Variants in GADL1 observed in about 807,000 individuals in gnomAD.
GADL1 encodes acidic amino acid decarboxylase GADL1.
A neutral mutation model predicts 69.5 loss-of-function variants in GADL1; 71 were observed. The ratio of observed to expected loss-of-function variants is 1.02; its 90% CI spans 0.84 to 1.25. GADL1 has a LOEUF of 1.25. Among genes scored for constraint, GADL1 ranks in the 50% most tolerant of loss-of-function variants. The pLI, the probability that GADL1 is intolerant of heterozygous loss-of-function variation, is 0.00. For synonymous variants in GADL1, 254 were observed against 214.4 expected (o/e 1.18, Z -1.62); for missense variants, 737 against 631.8 (o/e 1.17, Z -1.79).
At chr3:30,761,545 T>G (rs138477628) in intron 14 of GADL1, among the ~76,000 whole-genome samples, 62 of 152,314 alleles carry the variant, frequency 4.1e-4, no homozygotes, top group African/African-American at 1.3e-3. Context: ...CAAAGAATTA[T>G]TGAGTAAGCT....
At chr3:30,765,021 A>T (rs1296054142) in intron 14 of GADL1, among the ~76,000 whole-genome samples, 1 of 141,444 alleles carries the variant, frequency 7.1e-6, no homozygotes, top group East Asian at 2.0e-4. Context: ...ATCTGTAGTC[A>T]CAACTGCAAA....
In GADL1 at chr3:30,881,016, G is replaced by A. The variant is rs567252588; in HGVS notation, c.37+13562C>T. Among the ~76,000 whole-genome samples the A allele has an allele frequency of 8.6e-5, 13 of 152,004 alleles. 1 individual carries two copies. The highest frequency in any genetic ancestry group is 3.4e-3 in the Middle Eastern group (1 of 294). On this transcript the variant is annotated intron_variant, in intron 1 of 14. Transcript: ENST00000282538. ...GAGAAAGTAAGGAAAGAAAGCATAG[G>A]CATTGTCCTTTTCCCTAAGGGTTAG...
chr3:30,852,066 T>C (rs1354262021), intron 4 of GADL1, among the ~76,000 whole-genome samples: 1 of 152,150 alleles, frequency 6.6e-6, no homozygotes, highest in East Asian at 1.9e-4. Context: ...GCAGACACAT[T>C]TAGATTTATA....
intron 11 of GADL1, among the ~76,000 whole-genome samples, chr3:30,815,037 C>CT (rs1288399306): frequency 3.3e-5 from 5 of 151,934 alleles, no homozygotes; most frequent in African/African-American, 1.2e-4. Flanking sequence ...TACTTAGCCA[C>CT]TAAAAGAGAT....
chr3:30,847,406 G>A (rs1305577797), intron 6 of GADL1, among the ~76,000 whole-genome samples: 1 of 152,150 alleles, frequency 6.6e-6, no homozygotes, highest in Non-Finnish European at 1.5e-5. Context: ...TAACAGTACT[G>A]GGCCATGGAC....
At chr3:30,820,765 G>A (rs540408415) in intron 11 of GADL1, among the ~76,000 whole-genome samples, 143 of 151,842 alleles carry the variant, frequency 9.4e-4, no homozygotes, top group African/African-American at 3.3e-3. Flanking sequence ...TCAGTGTGGC[G>A]ATTCCTCAGG....
intron 14 of GADL1, among the ~76,000 whole-genome samples, chr3:30,774,696 C>T (rs1696493462): frequency 6.6e-6 from 1 of 151,988 alleles, no homozygotes; most frequent in Admixed American, 6.6e-5. Context: ...TTGCCTTTTA[C>T]AAAACTGTAT....
At chr3:30,744,155 G>T (rs1465460169) in intron 14 of GADL1, among the ~76,000 whole-genome samples, 1 of 152,120 alleles carries the variant, frequency 6.6e-6, no homozygotes, top group East Asian at 1.9e-4. Context: ...AGGTATATTT[G>T]GTTAGATCTA....
At chr3:30,878,825 C>T (rs1698608885) in intron 1 of GADL1, among the ~76,000 whole-genome samples, 1 of 151,876 alleles carries the variant, frequency 6.6e-6, no homozygotes, top group East Asian at 2.0e-4. Context: ...TCCTGTCTTC[C>T]ACATGAGCCC....
chr3:30,740,942 A>C (rs1695608463), intron 14 of GADL1, among the ~76,000 whole-genome samples: 8 of 140,830 alleles, frequency 5.7e-5, no homozygotes, highest in Admixed American at 4.4e-4. Flanking sequence ...ATTATATTTG[A>C]TATATCAAAT....
chr3:30,764,032 A>T (rs1175242469), intron 14 of GADL1, among the ~76,000 whole-genome samples: 1 of 152,210 alleles, frequency 6.6e-6, no homozygotes, highest in Non-Finnish European at 1.5e-5. Flanking sequence ...CTAAATGAGG[A>T]TACAGGATTT....
chr3:30,850,127 TA>T lies in GADL1; in HGVS notation c.536-17del. ...ACTGAGCCACCTGCAAAAACAAAAT[TA>T]AAATGGCATATTTATAGCATGAAGT... is the stretch of plus-strand genomic sequence containing the variant. On this transcript the variant is annotated splice_polypyrimidine_tract_variant and intron_variant, in intron 5 of 14. Transcript: ENST00000282538. 7.4e-7 allele frequency: 1 copy of T among 1,344,508 alleles called. No homozygotes were observed. The allele number at this position is 1,344,508 out of a possible 1,614,324, so 83.3% of individuals were successfully genotyped here. A position where few individuals can be genotyped will look rare whatever the true frequency, so the allele number is the denominator to read the frequency against.
At chr3:30,770,675 C>G (rs991135737) in intron 14 of GADL1, among the ~76,000 whole-genome samples, 1 of 152,140 alleles carries the variant, frequency 6.6e-6, no homozygotes, top group African/African-American at 2.4e-5. Context: ...GCTCAGAGAA[C>G]TGGTCTCATC....
At chr3:30,739,859 T>A (rs996649015) in intron 14 of GADL1, among the ~76,000 whole-genome samples, 2 of 152,234 alleles carry the variant, frequency 1.3e-5, no homozygotes, top group South Asian at 2.1e-4. Flanking sequence ...TAATAAAGAG[T>A]CTTTACCATT....
chr3:30,774,726 T>C (rs1431990261), intron 14 of GADL1, among the ~76,000 whole-genome samples: 3 of 152,128 alleles, frequency 2.0e-5, no homozygotes, highest in African/African-American at 2.4e-5. Context: ...ATGTATTTCA[T>C]TGGTTTCATT....
At chr3:30,887,843 C>G (rs992333146) in intron 1 of GADL1, among the ~76,000 whole-genome samples, 1 of 152,082 alleles carries the variant, frequency 6.6e-6, no homozygotes, top group Non-Finnish European at 1.5e-5. Flanking sequence ...TTATAACTAG[C>G]AATGCATATA....
At chr3:30,816,970 C>T (rs1697488162) in intron 11 of GADL1, among the ~76,000 whole-genome samples, 1 of 152,144 alleles carries the variant, frequency 6.6e-6, no homozygotes, top group Non-Finnish European at 1.5e-5. Context: ...GTCCCCAAGC[C>T]TATCACTGCT....
At chr3:30,861,814 A>G (rs1006869549) in intron 1 of GADL1, 49 bp from the exon 2 acceptor site, 3 of 1,276,022 alleles carry the variant, frequency 2.4e-6, no homozygotes, top group Non-Finnish European at 3.3e-6. Context: ...TAATTACACC[A>G]CATAACAAAG....
intron 1 of GADL1, among the ~76,000 whole-genome samples, chr3:30,866,748 C>A (rs1698409755): frequency 6.6e-6 from 1 of 152,096 alleles, no homozygotes; most frequent in African/African-American, 2.4e-5. Context: ...AGACCTTCTG[C>A]CTTGTTGCTT....
Sources: allele counts gnomAD v4.1 joint callset (sites outside exome capture counted in the v4.1 genomes callset), GRCh38; gene constraint gnomAD v4.1.1; transcripts MANE v1.5; gene names NCBI Gene and HGNC (gene_info 2026-07-23, HGNC 2026-07-21).